The following ITGAV variants were observed in gnomAD, a reference collection of about 807,000 sequenced individuals.
The protein encoded by ITGAV is integrin alpha-V.
A neutral mutation model predicts 143.8 loss-of-function variants in ITGAV; 76 were observed. The observed-to-expected ratio is 0.53, with a 90% CI of 0.44 to 0.64. ITGAV has a LOEUF of 0.64. Ranked by LOEUF, ITGAV falls within the 30% of genes least tolerant of loss-of-function variation. The probability of loss-of-function intolerance (pLI) is 0.00; values close to 1 mark genes in which losing one functional copy is unlikely to be tolerated. For missense variants in ITGAV, 1,193 were observed against 1,274.7 expected (o/e 0.94, Z 0.98); for synonymous variants, 453 against 446.7 (o/e 1.01, Z -0.18).
intron 1 of ITGAV, chr2:186,600,316 C>T (rs764945181): frequency 6.5e-7 from 1 of 1,543,352 alleles, no homozygotes; most frequent in Non-Finnish European, 8.8e-7. Context: ...CCCCACTCCC[C>T]TCCATCCTCA....
intron 10 of ITGAV, 54 bp downstream of exon 10, chr2:186,638,519 A>G: frequency 7.2e-7 from 1 of 1,386,426 alleles, no homozygotes; most frequent in Non-Finnish European, 1.0e-6. Flanking sequence ...GTATGTACTC[A>G]TTGGAGAAAA....
chr2:186,668,505 C>A (rs1688977583), intron 24 of ITGAV: 1 of 344,376 alleles, frequency 2.9e-6, no homozygotes, highest in African/African-American at 2.2e-5. Flanking sequence ...TCCCAAAGTG[C>A]TGGGATTACA....
chr2:186,619,593 G>A (rs992464262), intron 2 of ITGAV, among the ~76,000 whole-genome samples: 1 of 152,130 alleles, frequency 6.6e-6, no homozygotes, highest in African/African-American at 2.4e-5. Context: ...TGTTCAAGGT[G>A]ATGAACGTGC....
intron 4 of ITGAV, 91 bp downstream of exon 4, chr2:186,625,678 T>TGTGTGTGTGTGTGTGTGTGTGA (rs5836988): frequency 4.6e-5 from 21 of 453,092 alleles, no homozygotes; most frequent in African/African-American, 3.9e-4. Flanking sequence ...TGTGTGTGTG[T>TGTGTGTGTGTGTGTGTGTGTGA]GAGAGAGAGA....
At chr2:186,668,426 G>A (rs145221136) in intron 24 of ITGAV, 302 of 253,478 alleles carry the variant, frequency 1.2e-3, no homozygotes, top group Non-Finnish European at 1.9e-3. Context: ...GGGTTTCACC[G>A]ACAGGTTTCA....
intron 3 of ITGAV, among the ~76,000 whole-genome samples, chr2:186,622,887 CGAGTAGCTGG>C (rs1559047028): frequency 6.6e-6 from 1 of 152,022 alleles, no homozygotes; most frequent in Non-Finnish European, 1.5e-5. Context: ...TGCAGCCTCC[CGAGTAGCTGG>C]GATTACAGGC....
rs768518591 is a variant in ITGAV, at chr2:186,656,335, C to T, written c.1653C>T (p.His551=). 4.5e-6 allele frequency: 7 copies of T among 1,571,788 alleles called. No homozygotes were observed. In the South Asian group the frequency reaches 8.4e-5, roughly 19 times the overall value. The change falls in exon 17 of 30, where the codon CAC becomes CAT. Residue 551 remains histidine (H), a synonymous_variant. Transcript: ENST00000261023. Reference sequence around the variant, plus strand: ...TTCTCTACAGCAGGTCCCCAAGTCACTCCAAGAACATGACTATTTCAAGGG... The same window carrying T: ...TTCTCTACAGCAGGTCCCCAAGTCATTCCAAGAACATGACTATTTCAAGGG... The part of the protein sequence containing the change: ...ALFLYSRSPS[H]SKNMTISRGG...
At chr2:186,663,626 G>C in intron 18 of ITGAV, 142 bp from the exon 19 acceptor site, 2 of 578,258 alleles carry the variant, frequency 3.5e-6, no homozygotes, top group Non-Finnish European at 6.0e-6. Context: ...TTTGCATTCA[G>C]GTATACAACA....
intron 6 of ITGAV, among the ~76,000 whole-genome samples, chr2:186,635,005 GC>G (rs759998679): frequency 2.6e-5 from 4 of 151,394 alleles, no homozygotes; most frequent in South Asian, 4.2e-4. Context: ...TTTTTTTAAT[GC>G]CATGGGTATT....
rs921915089 is a variant in ITGAV, at chr2:186,680,563, G to A, written c.*3271G>A. The A allele has an allele frequency of 4.6e-5, 7 of 152,416 alleles. No individual in the cohort carries two copies. The highest frequency in any genetic ancestry group is 1.4e-4 in the African/African-American group (6 of 41,392). The allele number at this position is 152,416 out of a possible 1,614,324, so 9.4% of individuals were successfully genotyped here. A position where few individuals can be genotyped will look rare whatever the true frequency, so the allele number is the denominator to read the frequency against. On this transcript the variant is annotated 3_prime_UTR_variant, in exon 30 of 30. Transcript: ENST00000261023. ...ACAAATATTTGTATTATTTTTGTTA[G>A]CAGGAAAGAGTGATTAAGTGAGGTT...
chr2:186,667,264 T>G, intron 23 of ITGAV, 34 bp downstream of exon 23: 1 of 1,471,248 alleles, frequency 6.8e-7, no homozygotes, highest in Admixed American at 1.7e-5. Context: ...TATCTCATTC[T>G]CATGATTGCT....
intron 15 of ITGAV, among the ~76,000 whole-genome samples, chr2:186,652,438 T>C (rs1193277645): frequency 6.6e-6 from 1 of 152,192 alleles, no homozygotes; most frequent in East Asian, 1.9e-4. Context: ...GCAGTCATCC[T>C]GCCTCAGCCT....
chr2:186,638,479 A>G lies in ITGAV; in HGVS notation c.903+14A>G. 2.5e-6 allele frequency: 4 copies of G among 1,602,142 alleles called. No homozygotes were observed. The highest frequency in any genetic ancestry group is 2.6e-6 in the Non-Finnish European group (3 of 1,170,996). On this transcript the variant is annotated intron_variant, in intron 10 of 29. Coordinates refer to ENST00000261023, the MANE Select transcript of ITGAV (RefSeq NM_002210.5). Reference sequence around the variant, plus strand: ...ACTGGCGAGCAGGTATGCTTCCAAAATATGATCGTCCTCTCCCACTATAAA... The same window carrying G: ...ACTGGCGAGCAGGTATGCTTCCAAAGTATGATCGTCCTCTCCCACTATAAA...
chr2:186,601,311 A>G (rs1686897106), intron 1 of ITGAV, among the ~76,000 whole-genome samples: 1 of 151,946 alleles, frequency 6.6e-6, no homozygotes, highest in Non-Finnish European at 1.5e-5. Context: ...TAAAAAAAAA[A>G]TTAGCTTAGC....
At chr2:186,606,228 A>G (rs1687062020) in intron 2 of ITGAV, among the ~76,000 whole-genome samples, 1 of 152,172 alleles carries the variant, frequency 6.6e-6, no homozygotes, top group Non-Finnish European at 1.5e-5. Flanking sequence ...CTACAATACA[A>G]ATGCCTTCTC....
intron 4 of ITGAV, among the ~76,000 whole-genome samples, chr2:186,625,912 T>G (rs1051305457): frequency 3.9e-5 from 6 of 152,162 alleles, no homozygotes; most frequent in Non-Finnish European, 5.9e-5. Flanking sequence ...ACAGAGAAGA[T>G]GTAGACCCCA....
chr2:186,625,651 A>T, intron 4 of ITGAV, 64 bp downstream of exon 4: 2 of 701,766 alleles, frequency 2.8e-6, no homozygotes, highest in Non-Finnish European at 4.6e-6. Flanking sequence ...TGTTAAAAAT[A>T]TGTGTGTGTG....
intron 4 of ITGAV, among the ~76,000 whole-genome samples, chr2:186,626,220 A>T (rs1185622236): frequency 6.6e-6 from 1 of 152,172 alleles, no homozygotes; most frequent in Non-Finnish European, 1.5e-5. Context: ...CTCTTTGCTA[A>T]TATTACTTGA....
chr2:186,680,684 C>T lies in ITGAV; in HGVS notation c.*3392C>T, dbSNP rs1426739858. 6.6e-6 allele frequency: 1 copy of T among 152,544 alleles called. No homozygotes were observed. The highest frequency in any genetic ancestry group is 1.5e-5 in the Non-Finnish European group (1 of 67,982). The allele number at this position is 152,544 out of a possible 1,614,324, so 9.4% of individuals were successfully genotyped here. On this transcript the variant is annotated 3_prime_UTR_variant, in exon 30 of 30. Coordinates refer to ENST00000261023, the MANE Select transcript of ITGAV (RefSeq NM_002210.5). Reference sequence around the variant, plus strand: ...AACACTTTGAAATATCCTAAGGTAACTTGGAAGCTGTGTAGTATATCAAAT... The same window carrying T: ...AACACTTTGAAATATCCTAAGGTAATTTGGAAGCTGTGTAGTATATCAAAT...
Sources: gnomAD v4.1 joint callset for allele counts (sites outside exome capture counted in the v4.1 genomes callset) on GRCh38, gnomAD v4.1.1 for gene constraint, MANE v1.5 for transcripts, NCBI Gene and HGNC (gene_info 2026-07-23, HGNC 2026-07-21) for gene names.